The following TBC1D32 variants were observed in gnomAD, a reference collection of about 807,000 sequenced individuals.
The protein encoded by TBC1D32 is protein broad-minded.
In TBC1D32, 151 loss-of-function variants were observed where a neutral mutation model predicts 170.3. The ratio of observed to expected loss-of-function variants is 0.89; its 90% CI spans 0.78 to 1.01. TBC1D32 has a LOEUF of 1.01. TBC1D32 is among the 50% of genes least tolerant of loss of function. The pLI is 0.00. For missense variants in TBC1D32, 1,464 were observed against 1,457.1 expected (o/e 1.00, Z -0.08); for synonymous variants, 498 against 488.0 (o/e 1.02, Z -0.27).
chr6:121,260,428 T>G (rs933592705), intron 15 of TBC1D32, among the ~76,000 whole-genome samples: 1 of 152,082 alleles, frequency 6.6e-6, no homozygotes, highest in Non-Finnish European at 1.5e-5. Flanking sequence ...AAAACAGCAT[T>G]TGAATCCTGC....
chr6:121,216,934 A>T (rs985492622), intron 21 of TBC1D32, among the ~76,000 whole-genome samples: 2 of 152,232 alleles, frequency 1.3e-5, no homozygotes, highest in Non-Finnish European at 2.9e-5. Flanking sequence ...AATAGAAGCC[A>T]TTACAGCTGC....
rs1369169198 is a variant in TBC1D32 at position 121,115,228 on chromosome 6, A to C, written c.2997T>G (p.Asn999Lys). 6.3e-7 allele frequency: 1 copy of C among 1,599,292 alleles called. No homozygotes were observed. The highest frequency in any genetic ancestry group is 1.7e-5 in the Admixed American group (1 of 58,760). The change falls in exon 27 of 32, where the codon AAT becomes AAG. Residue 999 changes from asparagine (N) to lysine (K), a missense_variant. Transcript: ENST00000398212. ...PSVEYTATDA[N>K]VKNESLSSVQ... ...CAGATGAAAGACTTTCATTCTTCAC[A>C]TTTGCATCAGTAGCTAAAGACAACA...
intron 15 of TBC1D32, among the ~76,000 whole-genome samples, chr6:121,258,861 C>T (rs1799393841): frequency 6.6e-6 from 1 of 151,850 alleles, no homozygotes; most frequent in Non-Finnish European, 1.5e-5. Flanking sequence ...TCCAGTCTTC[C>T]ATTAATATAA....
intron 26 of TBC1D32, 134 bp downstream of exon 26, chr6:121,126,244 T>C (rs1254628247): frequency 7.0e-6 from 4 of 570,732 alleles, no homozygotes; most frequent in Non-Finnish European, 1.2e-5. Flanking sequence ...TAATGATATC[T>C]GGAATGTATA....
chr6:121,264,844 C>T (rs901244698), intron 15 of TBC1D32, among the ~76,000 whole-genome samples: 3 of 152,122 alleles, frequency 2.0e-5, no homozygotes, highest in Admixed American at 2.0e-4. Flanking sequence ...GCAGAAAAGA[C>T]CTTCGATAAA....
At chr6:121,294,967 T>C (rs1054756992) in intron 10 of TBC1D32, among the ~76,000 whole-genome samples, 3 of 152,166 alleles carry the variant, frequency 2.0e-5, no homozygotes, top group African/African-American at 7.2e-5. Flanking sequence ...TCTGTGGCCA[T>C]TGCCATAACT....
chr6:121,182,895 G>T (rs1012958731), intron 22 of TBC1D32, among the ~76,000 whole-genome samples: 1 of 151,418 alleles, frequency 6.6e-6, no homozygotes, highest in Non-Finnish European at 1.5e-5. Context: ...ACAGGTAAAT[G>T]GATACAAGTT....
chr6:121,281,449 T>A, intron 14 of TBC1D32, 95 bp downstream of exon 14: 1 of 942,698 alleles, frequency 1.1e-6, no homozygotes, highest in Non-Finnish European at 1.6e-6. Context: ...AAGGACAGCA[T>A]AATAAAATAT....
intron 15 of TBC1D32, among the ~76,000 whole-genome samples, chr6:121,265,050 G>T (rs1212295673): frequency 6.6e-6 from 1 of 152,124 alleles, no homozygotes; most frequent in Non-Finnish European, 1.5e-5. Context: ...CATAGTATTG[G>T]AAGTTCTGGC....
At chr6:121,211,591 T>C (rs1240704144) in intron 21 of TBC1D32, among the ~76,000 whole-genome samples, 1 of 152,184 alleles carries the variant, frequency 6.6e-6, no homozygotes, top group East Asian at 1.9e-4. Context: ...CAGTGTTACT[T>C]AACTTTGAGT....
chr6:121,259,065 A>G (rs1273344895), intron 15 of TBC1D32, among the ~76,000 whole-genome samples: 2 of 152,038 alleles, frequency 1.3e-5, no homozygotes, highest in Non-Finnish European at 2.9e-5. Context: ...TCGGAGGCAA[A>G]GTCGGGTGGA....
intron 29 of TBC1D32, among the ~76,000 whole-genome samples, chr6:121,108,738 G>GA (rs375477356): frequency 6.6e-6 from 1 of 151,176 alleles, no homozygotes; most frequent in Non-Finnish European, 1.5e-5. Flanking sequence ...CTGATATTAA[G>GA]AAAAAAACTA....
intron 22 of TBC1D32, among the ~76,000 whole-genome samples, chr6:121,196,398 G>T (rs1790741860): frequency 1.3e-5 from 2 of 152,184 alleles, no homozygotes; most frequent in African/African-American, 4.8e-5. Context: ...GGAGTGATCA[G>T]CCAGCTACCT....
intron 30 of TBC1D32, among the ~76,000 whole-genome samples, chr6:121,098,326 C>T (rs1033090393): frequency 2.0e-5 from 3 of 151,840 alleles, no homozygotes; most frequent in Non-Finnish European, 2.9e-5. Flanking sequence ...TTCAAAGACA[C>T]TATTTTTAAC....
intron 22 of TBC1D32, among the ~76,000 whole-genome samples, chr6:121,191,901 C>T (rs147245754): frequency 0.012 from 1,878 of 151,970 alleles, 37 homozygotes; most frequent in African/African-American, 0.043. Context: ...GGCCTAGGCT[C>T]CCAGCCTACA....
chr6:121,171,591 T>A (rs367782210), intron 22 of TBC1D32, among the ~76,000 whole-genome samples: 24 of 152,252 alleles, frequency 1.6e-4, no homozygotes, highest in East Asian at 1.2e-3. Context: ...TATCAGCATA[T>A]CAGATATTTG....
chr6:121,212,409 C>T (rs897591578), intron 21 of TBC1D32, among the ~76,000 whole-genome samples: 2 of 150,782 alleles, frequency 1.3e-5, no homozygotes, highest in African/African-American at 2.4e-5. Flanking sequence ...GATAACAAAA[C>T]CTGGCAGAGA....
rs576501222 is a variant in TBC1D32 at position 121,207,927 on chromosome 6, T to C, written c.2482-2764A>G. ...GTGAAGGGTGAGGACAGGTCAAATGTAATGTCCCAATAGTTCCGCACTTCC... is the reference window on the plus strand; with the variant it reads ...GTGAAGGGTGAGGACAGGTCAAATGCAATGTCCCAATAGTTCCGCACTTCC... On this transcript the variant is annotated intron_variant, in intron 21 of 31. Coordinates refer to ENST00000398212, the MANE Select transcript of TBC1D32 (RefSeq NM_152730.6). Among the ~76,000 whole-genome samples the C allele has an allele frequency of 5.3e-5, 8 of 152,264 alleles. No individual in the cohort carries two copies. In the South Asian group the frequency reaches 1.7e-3, roughly 32 times the overall value.
intron 20 of TBC1D32, among the ~76,000 whole-genome samples, chr6:121,236,509 T>C (rs1486215340): frequency 6.6e-6 from 1 of 152,088 alleles, no homozygotes; most frequent in Non-Finnish European, 1.5e-5. Flanking sequence ...CCAAATTAGA[T>C]TATAAATGAA....
Sources: allele counts gnomAD v4.1 joint callset (sites outside exome capture counted in the v4.1 genomes callset), GRCh38; gene constraint gnomAD v4.1.1; transcripts MANE v1.5; gene names NCBI Gene and HGNC (gene_info 2026-07-23, HGNC 2026-07-21).